ASB14: variants seen among roughly 807,000 people sequenced by gnomAD.
ASB14 encodes ankyrin repeat and SOCS box protein 14.
Under a neutral mutation model 55.6 loss-of-function variants are expected in ASB14, and 63 were observed. The observed-to-expected ratio is 1.13, with a 90% CI of 0.92 to 1.40. ASB14 has a LOEUF of 1.40. ASB14 is among the 40% of genes most tolerant of loss of function. ASB14 has a pLI of 0.00. For missense variants in ASB14, 724 were observed against 710.4 expected, an observed-to-expected ratio of 1.02 and a Z score of -0.22; for synonymous variants, 256 against 259.9, an observed-to-expected ratio of 0.98 and a Z score of 0.15.
At position 57,277,693 on chromosome 3, in the gene ASB14, C is replaced by G. The variant is rs1302466317; in HGVS notation, c.1585+74G>C. On this transcript the variant is annotated intron_variant, in intron 9 of 10. Transcript: ENST00000487349. ...CTTTTAACCAGAAGAGAAGGGTGTT[C>G]TAATTCTAAAACAACCAAATAAGAA... is the stretch of plus-strand genomic sequence containing the variant. The G allele has an allele frequency of 6.7e-6, 9 of 1,353,380 alleles. No homozygotes were observed. The East Asian group carries it at 1.6e-4, about 25-fold the overall frequency. The allele number at this position is 1,353,380 out of a possible 1,614,324, so 83.8% of individuals were successfully genotyped here. A position where few individuals can be genotyped will look rare whatever the true frequency, so the allele number is the denominator to read the frequency against.
intron 6 of ASB14, 181 bp downstream of exon 6, chr3:57,283,013 T>TAAAAAATTATGTCAGACTG (rs2061051096): frequency 2.4e-6 from 1 of 420,094 alleles, no homozygotes; most frequent in African/African-American, 2.2e-5. Context: ...ATGTCAGACC[T>TAAAAAATTATGTCAGACTG]AATAAAAAAT....
intron 10 of ASB14, chr3:57,271,942 T>C (rs1020265699): frequency 1.3e-5 from 2 of 152,248 alleles, no homozygotes; most frequent in Non-Finnish European, 2.9e-5. Context: ...GATTTAAGTA[T>C]CTGTTTTAAT....
Position 57,288,301 on chromosome 3 carries a change from A to C in ASB14, c.179-15T>G, listed in dbSNP as rs956816751. On this transcript the variant is annotated splice_polypyrimidine_tract_variant and intron_variant, in intron 3 of 10. Coordinates refer to ENST00000487349, the MANE Select transcript of ASB14 (RefSeq NM_001142733.3). ...ATCTTCCTTACCTATTAACGAGTCA[A>C]ATGAGAACAGATTCACATTTGGCAC... is the stretch of plus-strand genomic sequence containing the variant. The C allele has an allele frequency of 1.3e-6, 2 of 1,536,214 alleles. No homozygotes were observed. Among genetic ancestry groups the C allele is most frequent in the African/African-American group, 2.7e-5 (2 of 72,994 alleles).
intron 10 of ASB14, chr3:57,273,427 T>G (rs1470895659): frequency 6.6e-6 from 1 of 152,632 alleles, no homozygotes; most frequent in African/African-American, 2.4e-5. Context: ...GATTTTTTAA[T>G]GTATAATAAA....
chr3:57,277,476 T>C (rs372282341), intron 9 of ASB14, among the ~76,000 whole-genome samples: 19 of 152,308 alleles, frequency 1.2e-4, no homozygotes, highest in African/African-American at 3.6e-4. Context: ...CCATATGATA[T>C]TAGCTTTTCA....
At chr3:57,285,090 G>C (rs1298296677) in intron 5 of ASB14, among the ~76,000 whole-genome samples, 1 of 151,784 alleles carries the variant, frequency 6.6e-6, no homozygotes, top group African/African-American at 2.4e-5. Flanking sequence ...ACAGGTGCCT[G>C]CCACCAAGCT....
At chr3:57,283,003 A>T (rs1195914643) in intron 6 of ASB14, among the ~76,000 whole-genome samples, 191 bp downstream of exon 6, 1 of 152,236 alleles carries the variant, frequency 6.6e-6, no homozygotes, top group East Asian at 1.9e-4. Flanking sequence ...TAGGGAAATT[A>T]TGTCAGACCT....
intron 6 of ASB14, among the ~76,000 whole-genome samples, chr3:57,281,633 C>T (rs934239186): frequency 6.6e-6 from 1 of 152,132 alleles, no homozygotes; most frequent in African/African-American, 2.4e-5. Context: ...GTGCTGGTTC[C>T]ATTATGTGTA....
rs753141178 is a variant in ASB14, at chr3:57,283,239, CAGCAAG to C, written c.664_669del (p.Leu222_Ala223del). ...ATGATTTCAGTGTGTCCACTTTGGG[CAGCAAG>C]AGCAAGAGGAGTGAATCCATACGTG... On this transcript the variant is annotated inframe_deletion, in exon 6 of 11. Coordinates refer to ENST00000487349, the MANE Select transcript of ASB14 (RefSeq NM_001142733.3). 9 of 1,552,090 alleles carry C rather than the reference CAGCAAG, an allele frequency of 5.8e-6. No individual in the cohort carries two copies. The African/African-American group carries it at 9.6e-5, about 17-fold the overall frequency.
chr3:57,275,941 G>T (rs1191022695), intron 10 of ASB14, among the ~76,000 whole-genome samples: 1 of 152,148 alleles, frequency 6.6e-6, no homozygotes, highest in Non-Finnish European at 1.5e-5. Flanking sequence ...CTGAAACATT[G>T]TATGATACGT....
chr3:57,272,793 G>A (rs1398102189), intron 10 of ASB14: 1 of 152,106 alleles, frequency 6.6e-6, no homozygotes, highest in East Asian at 1.9e-4. Context: ...TAGAGACGGG[G>A]TTTCACCGTG....
chr3:57,274,104 ATAAT>A (rs1244577664), intron 10 of ASB14, among the ~76,000 whole-genome samples: 2 of 152,304 alleles, frequency 1.3e-5, no homozygotes, highest in South Asian at 4.1e-4. Context: ...AACTATAAAA[ATAAT>A]TTAAAGTCTG....
chr3:57,286,453 G>A (rs911138749), intron 5 of ASB14, among the ~76,000 whole-genome samples: 5 of 140,512 alleles, frequency 3.6e-5, no homozygotes, highest in African/African-American at 1.2e-4. Flanking sequence ...TCTAATAATT[G>A]GCTTTTCTGC....
intron 5 of ASB14, among the ~76,000 whole-genome samples, chr3:57,287,252 G>A (rs971848641): frequency 6.6e-6 from 1 of 152,142 alleles, no homozygotes; most frequent in Non-Finnish European, 1.5e-5. Flanking sequence ...ACAACAGGTT[G>A]ATATGTTTGG....
At chr3:57,273,137 G>A (rs774027287) in intron 10 of ASB14, 1 of 152,580 alleles carries the variant, frequency 6.6e-6, no homozygotes, top group Non-Finnish European at 1.5e-5. Flanking sequence ...ATTTACTTCA[G>A]TTAATATGAG....
Position 57,276,650 on chromosome 3 carries a change from A to C in ASB14, c.1664T>G (p.Val555Gly). Residue 555 changes from valine (V) to glycine (G), a missense_variant, in exon 10 of 11, where the codon GTC becomes GGC. Val to Gly is a moderately radical substitution (Grantham distance 109). Transcript: ENST00000487349. Reference sequence around the variant, plus strand: ...GGGTAATGGAAGAAATGACATGAAGACAGGGCAGCGCAAATGTAACCGTCC... The same window carrying C: ...GGGTAATGGAAGAAATGACATGAAGCCAGGGCAGCGCAAATGTAACCGTCC... ...CMGRLHLRCP[V>G]FMSFLPLPNR... is the part of the protein sequence containing the mutation. 1 of 1,614,016 alleles carries C rather than the reference A, an allele frequency of 6.2e-7. No homozygotes were observed. Among genetic ancestry groups the C allele is most frequent in the Admixed American group, 1.7e-5 (1 of 60,028 alleles).
chr3:57,272,145 G>GAA (rs2060946022), intron 10 of ASB14: 1 of 152,154 alleles, frequency 6.6e-6, no homozygotes, highest in Admixed American at 6.5e-5. Context: ...TTTTTAAAAA[G>GAA]AAAAGATATT....
In ASB14 at chr3:57,269,588, C is replaced by T. The variant is rs750345304; in HGVS notation, c.*53G>A. The T allele has an allele frequency of 8.1e-6, 13 of 1,613,860 alleles. 1 individual carries two copies. In the South Asian group the frequency reaches 1.2e-4, roughly 15 times the overall value. ...TGATAGCTGCTTCCAGTAGACCAAA[C>T]CAAGCCAGTAGTGAGGGGCAGTTTG... is the stretch of plus-strand genomic sequence containing the variant. On this transcript the variant is annotated 3_prime_UTR_variant, in exon 11 of 11. Coordinates refer to ENST00000487349, the MANE Select transcript of ASB14 (RefSeq NM_001142733.3).
At chr3:57,291,758 T>C (rs1355985049) in intron 2 of ASB14, among the ~76,000 whole-genome samples, 154 bp downstream of exon 2, 1 of 152,236 alleles carries the variant, frequency 6.6e-6, no homozygotes, top group Non-Finnish European at 1.5e-5. Context: ...ATTATTCCTG[T>C]CTAGTTAGGC....
Sources: gnomAD v4.1 joint callset for allele counts (sites outside exome capture counted in the v4.1 genomes callset) on GRCh38, gnomAD v4.1.1 for gene constraint, MANE v1.5 for transcripts, NCBI Gene and HGNC (gene_info 2026-07-23, HGNC 2026-07-21) for gene names.